The following RAB31 variants were observed in gnomAD, a reference collection of about 807,000 sequenced individuals.
RAB31 encodes the protein ras-related protein Rab-31.
A neutral mutation model predicts 25.6 loss-of-function variants in RAB31; 21 were observed. The observed-to-expected ratio is 0.82, with a 90% CI of 0.58 to 1.18. The LOEUF is 1.18. Ranked by LOEUF, RAB31 falls within the 50% of genes most tolerant of loss-of-function variation. The pLI, the probability that RAB31 is intolerant of heterozygous loss-of-function variation, is 0.00. For missense variants in RAB31, 196 were observed against 250.1 expected (o/e 0.78, Z 1.46); for synonymous variants, 87 against 84.0 (o/e 1.04, Z -0.20).
chr18:9,730,957 C>A (rs1349284749), intron 1 of RAB31, among the ~76,000 whole-genome samples: 1 of 152,222 alleles, frequency 6.6e-6, no homozygotes, highest in Non-Finnish European at 1.5e-5. Context: ...TGTGCAGGAT[C>A]TGTAGCCAAC....
At chr18:9,837,131 G>A (rs1460306795) in intron 5 of RAB31, among the ~76,000 whole-genome samples, 1 of 149,504 alleles carries the variant, frequency 6.7e-6, no homozygotes, top group Non-Finnish European at 1.5e-5. Flanking sequence ...TGTGAGGAAT[G>A]GGGTGAGACA....
chr18:9,725,392 G>C (rs1017361682), intron 1 of RAB31, among the ~76,000 whole-genome samples: 3 of 152,164 alleles, frequency 2.0e-5, no homozygotes, highest in African/African-American at 4.8e-5. Context: ...ATAAGGGCAA[G>C]TTCTATTCTC....
At chr18:9,712,374 G>A (rs1298308857) in intron 1 of RAB31, among the ~76,000 whole-genome samples, 1 of 152,244 alleles carries the variant, frequency 6.6e-6, no homozygotes, top group African/African-American at 2.4e-5. Flanking sequence ...GTCACCTGTG[G>A]AAGTCAGCCG....
At chr18:9,852,124 A>G (rs1300258435) in intron 6 of RAB31, among the ~76,000 whole-genome samples, 1 of 152,190 alleles carries the variant, frequency 6.6e-6, no homozygotes, top group Non-Finnish European at 1.5e-5. Context: ...ACACAAGTGC[A>G]CTGAATAATA....
chr18:9,817,726 G>C (rs368442353), intron 5 of RAB31, among the ~76,000 whole-genome samples: 1 of 152,188 alleles, frequency 6.6e-6, no homozygotes, highest in Non-Finnish European at 1.5e-5. Flanking sequence ...GCTGTGTTTC[G>C]GGGTGGAATT....
intron 1 of RAB31, among the ~76,000 whole-genome samples, chr18:9,731,883 C>T (rs1021830349): frequency 6.6e-6 from 1 of 152,294 alleles, no homozygotes; most frequent in Non-Finnish European, 1.5e-5. Flanking sequence ...GCATGAGCCA[C>T]CATGCCTGGC....
intron 5 of RAB31, among the ~76,000 whole-genome samples, chr18:9,836,506 G>A (rs2068704937): frequency 6.6e-6 from 1 of 152,178 alleles, no homozygotes; most frequent in Non-Finnish European, 1.5e-5. Context: ...GTCAGATTAT[G>A]AATTGGATAG....
chr18:9,845,834 C>T, intron 6 of RAB31, 143 bp downstream of exon 6: 2 of 1,290,870 alleles, frequency 1.5e-6, no homozygotes, highest in South Asian at 1.7e-5. Context: ...TACAGCTATG[C>T]AGTTGTTAAT....
At chr18:9,714,094 A>G (rs544472444) in intron 1 of RAB31, among the ~76,000 whole-genome samples, 2 of 152,336 alleles carry the variant, frequency 1.3e-5, no homozygotes, top group East Asian at 1.9e-4. Flanking sequence ...CCCTGGCCCA[A>G]TGACACTGTT....
chr18:9,719,326 T>TATAA (rs56208111), intron 1 of RAB31, among the ~76,000 whole-genome samples: 8 of 63,418 alleles, frequency 1.3e-4, no homozygotes, highest in African/African-American at 5.4e-4. Flanking sequence ...TATATATATA[T>TATAA]ATAAATAAAT....
chr18:9,830,156 A>G (rs1216135365), intron 5 of RAB31, among the ~76,000 whole-genome samples: 20 of 151,910 alleles, frequency 1.3e-4, no homozygotes, highest in Admixed American at 1.2e-3. Context: ...GTGCACCACC[A>G]TACCCAGCTA....
intron 1 of RAB31, among the ~76,000 whole-genome samples, chr18:9,764,677 A>G (rs1481005008): frequency 6.6e-6 from 1 of 151,846 alleles, no homozygotes; most frequent in South Asian, 2.1e-4. Flanking sequence ...CTCTGGTAGG[A>G]TGTTTTACAT....
intron 1 of RAB31, among the ~76,000 whole-genome samples, chr18:9,755,678 G>T (rs528839838): frequency 1.3e-5 from 2 of 152,324 alleles, no homozygotes; most frequent in South Asian, 4.1e-4. Flanking sequence ...GCAGTACATG[G>T]ATTTAGGTTG....
chr18:9,759,310 C>T (rs2068275774), intron 1 of RAB31, among the ~76,000 whole-genome samples: 1 of 152,050 alleles, frequency 6.6e-6, no homozygotes, highest in South Asian at 2.1e-4. Context: ...ACCTTGGACA[C>T]CAGGCACATG....
At chr18:9,811,667 G>T (rs1406232422) in intron 3 of RAB31, among the ~76,000 whole-genome samples, 1 of 152,086 alleles carries the variant, frequency 6.6e-6, no homozygotes, top group African/African-American at 2.4e-5. Flanking sequence ...AATCCCACCT[G>T]TTAAGATTTA....
intron 2 of RAB31, 44 bp from the exon 3 acceptor site, chr18:9,792,110 A>G (rs1245642562): frequency 1.1e-5 from 18 of 1,567,320 alleles, no homozygotes; most frequent in Non-Finnish European, 1.6e-5. Flanking sequence ...ATCTTTGTGA[A>G]GAAACAATGC....
chr18:9,786,172 GGAAA>G (rs1026006197), intron 2 of RAB31, among the ~76,000 whole-genome samples: 4 of 149,376 alleles, frequency 2.7e-5, no homozygotes, highest in Admixed American at 2.0e-4. Context: ...GAAAAGAAAA[GGAAA>G]GAAAGAAAAG....
intron 1 of RAB31, among the ~76,000 whole-genome samples, chr18:9,711,604 A>G (rs762249616): frequency 6.6e-5 from 10 of 152,166 alleles, no homozygotes; most frequent in Non-Finnish European, 1.2e-4. Flanking sequence ...CAACATTTTA[A>G]CAGGAACCTT....
At chr18:9,776,223 T>C (rs2068371676) in intron 2 of RAB31, among the ~76,000 whole-genome samples, 1 of 152,246 alleles carries the variant, frequency 6.6e-6, no homozygotes, top group Non-Finnish European at 1.5e-5. Flanking sequence ...AGTGGGCTCC[T>C]TGGCCGCGTG....
Sources: allele counts gnomAD v4.1 joint callset (sites outside exome capture counted in the v4.1 genomes callset), GRCh38; gene constraint gnomAD v4.1.1; transcripts MANE v1.5; gene names NCBI Gene and HGNC (gene_info 2026-07-23, HGNC 2026-07-21).